KCNK13: variants seen among roughly 807,000 people sequenced by gnomAD.
KCNK13 encodes potassium two pore domain channel subfamily K member 13, also known as potassium channel subfamily K member 13.
Under a neutral mutation model 23.4 loss-of-function variants are expected in KCNK13, and 12 were observed. The observed-to-expected ratio is 0.51, with a 90% confidence interval of 0.33 to 0.83. KCNK13 has a LOEUF of 0.83. Ranked by LOEUF, KCNK13 falls within the 40% of genes least tolerant of loss-of-function variation. The pLI is 0.02. For missense variants in KCNK13, 463 were observed against 556.3 expected (o/e 0.83, Z 1.69); for synonymous variants, 231 against 229.5 (o/e 1.01, Z -0.06).
At chr14:90,173,342 G>C (rs1358979711) in intron 1 of KCNK13, among the ~76,000 whole-genome samples, 1 of 152,118 alleles carries the variant, frequency 6.6e-6, no homozygotes. Flanking sequence ...GCGTGACGGA[G>C]TGAGACCCCA....
chr14:90,092,534 A>G (rs1373792769), intron 1 of KCNK13, among the ~76,000 whole-genome samples: 1 of 152,192 alleles, frequency 6.6e-6, no homozygotes, highest in Admixed American at 6.5e-5. Context: ...AGCATTTTGG[A>G]GGAGCAGGAA....
At position 90,127,817 on chromosome 14, in the gene KCNK13, TA is replaced by T. The variant is rs35453411; in HGVS notation, c.335-56273del. Among the ~76,000 whole-genome samples the T allele has an allele frequency of 6.6e-3, 566 of 85,136 alleles. 1 individual carries two copies. The highest frequency in any genetic ancestry group is 0.017 in the African/African-American group (348 of 20,562). 55.9% of individuals were successfully genotyped at this position (85,136 alleles called of 152,430 possible). On this transcript the variant is annotated intron_variant, in intron 1 of 1. Transcript: ENST00000282146. ...CTGGTAGACAAAGCAAGATGCTATC[TA>T]AAAAAAAAAAAAAAAAAAAAGGCTA... is the stretch of plus-strand genomic sequence containing the variant.
chr14:90,092,539 C>G (rs371894560), intron 1 of KCNK13, among the ~76,000 whole-genome samples: 35 of 152,222 alleles, frequency 2.3e-4, no homozygotes, highest in Middle Eastern at 3.4e-3. Context: ...TTTGGAGGAG[C>G]AGGAAAGCCC....
intron 1 of KCNK13, among the ~76,000 whole-genome samples, chr14:90,135,465 A>C (rs890263728): frequency 1.1e-4 from 17 of 152,198 alleles, no homozygotes; most frequent in Admixed American, 2.6e-4. Context: ...TCTAAAACAT[A>C]AAAATGTTGA....
At chr14:90,175,725 G>A (rs1050630652) in intron 1 of KCNK13, among the ~76,000 whole-genome samples, 4 of 152,200 alleles carry the variant, frequency 2.6e-5, no homozygotes, top group East Asian at 1.9e-4. Flanking sequence ...CCAACCATGG[G>A]TGTTTCTCAC....
At chr14:90,107,158 C>T (rs1238193191) in intron 1 of KCNK13, among the ~76,000 whole-genome samples, 1 of 152,048 alleles carries the variant, frequency 6.6e-6, no homozygotes, top group Non-Finnish European at 1.5e-5. Flanking sequence ...ATGAGATTGC[C>T]TGAGATGGTG....
intron 1 of KCNK13, among the ~76,000 whole-genome samples, chr14:90,129,938 G>A (rs1216800261): frequency 2.0e-5 from 3 of 152,112 alleles, no homozygotes; most frequent in Non-Finnish European, 2.9e-5. Context: ...GCCCGATGGT[G>A]TAGTCATTTA....
At chr14:90,088,487 G>A (rs138448947) in intron 1 of KCNK13, among the ~76,000 whole-genome samples, 30 of 152,272 alleles carry the variant, frequency 2.0e-4, no homozygotes, top group Admixed American at 3.9e-4. Context: ...GCTCTCAGGC[G>A]CCTTTCCCAG....
At chr14:90,110,871 T>A (rs1308348711) in intron 1 of KCNK13, among the ~76,000 whole-genome samples, 1 of 151,964 alleles carries the variant, frequency 6.6e-6, no homozygotes, top group Non-Finnish European at 1.5e-5. Context: ...TAGCTGGACA[T>A]GGTGGCAGGT....
intron 1 of KCNK13, chr14:90,108,085 G>A: frequency 2.0e-6 from 1 of 493,330 alleles, no homozygotes; most frequent in Admixed American, 3.0e-5. Flanking sequence ...TGAATTTGGG[G>A]GGCACAAACA....
chr14:90,098,360 C>T (rs952434239), intron 1 of KCNK13, among the ~76,000 whole-genome samples: 10 of 152,128 alleles, frequency 6.6e-5, no homozygotes, highest in African/African-American at 2.2e-4. Context: ...TTTTGAAGTG[C>T]TATAATTTAT....
chr14:90,177,046 A>C (rs1006913405), intron 1 of KCNK13, among the ~76,000 whole-genome samples: 1 of 152,030 alleles, frequency 6.6e-6, no homozygotes, highest in African/African-American at 2.4e-5. Context: ...AAATACAAGA[A>C]TTAACCAGGT....
intron 1 of KCNK13, among the ~76,000 whole-genome samples, chr14:90,142,960 C>G (rs943169417): frequency 6.6e-6 from 1 of 152,076 alleles, no homozygotes; most frequent in Non-Finnish European, 1.5e-5. Context: ...TATGGGGGAA[C>G]TAGTGGAAGA....
At chr14:90,093,075 G>A (rs2176076) in intron 1 of KCNK13, among the ~76,000 whole-genome samples, 39,785 of 151,892 alleles carry the variant, frequency 0.26, 5,881 homozygotes, top group South Asian at 0.4. Context: ...AATTAAATGT[G>A]TTGAGCCAGG....
intron 1 of KCNK13, among the ~76,000 whole-genome samples, chr14:90,168,498 G>T (rs1890329849): frequency 6.6e-6 from 1 of 152,066 alleles, no homozygotes; most frequent in African/African-American, 2.4e-5. Flanking sequence ...GACTTTTGTT[G>T]CCTTCCACAA....
chr14:90,108,571 C>T (rs759300945), intron 1 of KCNK13, among the ~76,000 whole-genome samples: 5 of 152,188 alleles, frequency 3.3e-5, no homozygotes, highest in Admixed American at 6.5e-5. Context: ...CCACCTTGTC[C>T]TCTCACAGAT....
chr14:90,142,186 C>T (rs950202837), intron 1 of KCNK13, among the ~76,000 whole-genome samples: 2 of 152,020 alleles, frequency 1.3e-5, no homozygotes, highest in Non-Finnish European at 2.9e-5. Flanking sequence ...TAGAATTGTA[C>T]GGAATTGGAA....
At position 90,109,302 on chromosome 14, in the gene KCNK13, G is replaced by GA. The variant is rs200825698; in HGVS notation, c.334+46771dup. 8.7e-5 allele frequency among the ~76,000 whole-genome samples: 13 copies of GA among 150,266 alleles called. No homozygotes were observed. The East Asian group carries it at 2.1e-3, about 25-fold the overall frequency. On this transcript the variant is annotated intron_variant, in intron 1 of 1. Transcript: ENST00000282146. ...TTCTAATAAAAAAATACCTATAGAT[G>GA]AAAAAAAAGAATTAGGTTCTAGGCT...
intron 1 of KCNK13, among the ~76,000 whole-genome samples, chr14:90,123,010 A>G (rs967622467): frequency 1.2e-4 from 18 of 152,190 alleles, no homozygotes; most frequent in Non-Finnish European, 2.4e-4. Flanking sequence ...ATGGCCAGTT[A>G]GTGGCAGAGC....
Sources: allele counts gnomAD v4.1 joint callset (sites outside exome capture counted in the v4.1 genomes callset), GRCh38; gene constraint gnomAD v4.1.1; transcripts MANE v1.5; gene names NCBI Gene and HGNC (gene_info 2026-07-23, HGNC 2026-07-21).